The following COL21A1 variants were observed in gnomAD, a reference collection of about 807,000 sequenced individuals.
COL21A1 encodes the protein collagen type XXI alpha 1 chain, also known as collagen alpha-1(XXI) chain.
Under a neutral mutation model 137.9 loss-of-function variants are expected in COL21A1, and 149 were observed. The ratio of observed to expected loss-of-function variants is 1.08; its 90% CI spans 0.95 to 1.24. The LOEUF (loss-of-function observed/expected upper bound fraction) is 1.24. COL21A1 is among the 50% of genes most tolerant of loss of function. The pLI is 0.00. For missense variants in COL21A1, 1,167 were observed against 1,158.4 expected (o/e 1.01, Z -0.11); for synonymous variants, 456 against 391.5 (o/e 1.16, Z -1.95).
At chr6:56,228,154 A>G (rs1236361594) in intron 1 of COL21A1, among the ~76,000 whole-genome samples, 4 of 151,880 alleles carry the variant, frequency 2.6e-5, no homozygotes, top group Admixed American at 2.6e-4. Context: ...AGAGGAGTGG[A>G]CTTTGTCTTT....
intron 1 of COL21A1, among the ~76,000 whole-genome samples, chr6:56,320,028 A>G (rs1388899415): frequency 6.6e-6 from 1 of 152,122 alleles, no homozygotes; most frequent in Non-Finnish European, 1.5e-5. Flanking sequence ...CTGGGTGTCT[A>G]ACCACCTACT....
intron 1 of COL21A1, among the ~76,000 whole-genome samples, chr6:56,186,482 G>A (rs1778312917): frequency 6.6e-6 from 1 of 152,096 alleles, no homozygotes; most frequent in East Asian, 1.9e-4. Flanking sequence ...ATTCAAAAAT[G>A]TACAAGGATA....
intron 1 of COL21A1, among the ~76,000 whole-genome samples, chr6:56,267,713 T>C (rs1475945090): frequency 2.8e-5 from 4 of 143,596 alleles, no homozygotes; most frequent in African/African-American, 7.9e-5. Context: ...GCCAACATCA[T>C]GCCATTGCAC....
chr6:56,133,556 A>G, intron 12 of COL21A1, among the ~76,000 whole-genome samples: 1 of 152,242 alleles, frequency 6.6e-6, no homozygotes, highest in East Asian at 1.9e-4. Context: ...GAATTTGCAT[A>G]AGTAACAAGC....
intron 1 of COL21A1, among the ~76,000 whole-genome samples, chr6:56,327,979 G>A (rs1478883166): frequency 6.6e-6 from 1 of 152,036 alleles, no homozygotes; most frequent in Non-Finnish European, 1.5e-5. Flanking sequence ...CTGATTAGAA[G>A]TAGCTATTTC....
chr6:56,325,231 T>G (rs1764981088), intron 1 of COL21A1, among the ~76,000 whole-genome samples: 1 of 9,992 alleles, frequency 1.0e-4, no homozygotes, highest in South Asian at 0.011. Flanking sequence ...GAACCTAAGA[T>G]GAGGAAAAGA....
chr6:56,157,081 A>AAG (rs386407154), intron 9 of COL21A1, 132 bp from the exon 10 acceptor site: 1 of 631,446 alleles, frequency 1.6e-6, no homozygotes, highest in Admixed American at 3.1e-5. Context: ...GTAAAAAAAA[A>AAG]AAGCCATATT....
intron 1 of COL21A1, among the ~76,000 whole-genome samples, chr6:56,332,567 A>C (rs1303852067): frequency 6.7e-6 from 1 of 149,816 alleles, no homozygotes; most frequent in East Asian, 2.0e-4. Context: ...TTTTTAATAC[A>C]TGTCACCAAA....
At chr6:56,205,243 G>T (rs2152301249) in intron 1 of COL21A1, among the ~76,000 whole-genome samples, 1 of 152,254 alleles carries the variant, frequency 6.6e-6, no homozygotes, top group Non-Finnish European at 1.5e-5. Context: ...TTGAAAAAAG[G>T]TTAGACAAAT....
At chr6:56,130,211 A>AT (rs1561898497) in intron 12 of COL21A1, among the ~76,000 whole-genome samples, 491 of 32,078 alleles carry the variant, frequency 0.015, 7 homozygotes, top group African/African-American at 0.037. Flanking sequence ...ATATATATAT[A>AT]AAATTTCAAA....
At chr6:56,377,493 C>T (rs1362245184) in intron 1 of COL21A1, among the ~76,000 whole-genome samples, 1 of 152,104 alleles carries the variant, frequency 6.6e-6, no homozygotes, top group Non-Finnish European at 1.5e-5. Context: ...AAAACCAAAC[C>T]AAACTCAGCT....
chr6:56,162,312 G>A (rs1172024693), intron 9 of COL21A1, among the ~76,000 whole-genome samples: 3 of 152,138 alleles, frequency 2.0e-5, no homozygotes, highest in Non-Finnish European at 2.9e-5. Flanking sequence ...AAAAAGGCAC[G>A]CCAACTTGAA....
chr6:56,132,981 C>T (rs1424204149), intron 12 of COL21A1, among the ~76,000 whole-genome samples: 2 of 152,124 alleles, frequency 1.3e-5, no homozygotes, highest in African/African-American at 4.8e-5. Flanking sequence ...TGTAAATTGC[C>T]CAGTCTCAGC....
chr6:56,261,274 C>T (rs1284133910), intron 1 of COL21A1, among the ~76,000 whole-genome samples: 2 of 152,152 alleles, frequency 1.3e-5, no homozygotes, highest in Non-Finnish European at 2.9e-5. Context: ...TCACCCGAAT[C>T]ATGCTCCTGG....
intron 1 of COL21A1, among the ~76,000 whole-genome samples, chr6:56,358,629 T>G (rs1765893643): frequency 1.3e-5 from 2 of 152,214 alleles, no homozygotes; most frequent in South Asian, 4.1e-4. Flanking sequence ...TTTTTAAGCT[T>G]CTAGCAGTTT....
chr6:56,199,106 G>A (rs183530063), intron 1 of COL21A1, among the ~76,000 whole-genome samples: 1 of 151,680 alleles, frequency 6.6e-6, no homozygotes, highest in Non-Finnish European at 1.5e-5. Context: ...TGCAGAATTG[G>A]GTCTAACCTG....
At chr6:56,211,615 A>G (rs1185416375) in intron 1 of COL21A1, among the ~76,000 whole-genome samples, 1 of 152,130 alleles carries the variant, frequency 6.6e-6, no homozygotes, top group Non-Finnish European at 1.5e-5. Context: ...TCTGATTTGC[A>G]GTGTTTCTAG....
chr6:56,097,928 A>C (rs1450275311), intron 17 of COL21A1, among the ~76,000 whole-genome samples: 2 of 90,434 alleles, frequency 2.2e-5, no homozygotes, highest in African/African-American at 4.7e-5. Context: ...TAAATATATA[A>C]ATATATAAAA....
chr6:56,249,883 A>C (rs1782814420), upstream of COL21A1, among the ~76,000 whole-genome samples: 1 of 152,246 alleles, frequency 6.6e-6, no homozygotes, highest in African/African-American at 2.4e-5. Flanking sequence ...ATTATATATC[A>C]GTTTTAAAAC....
Sources: gnomAD v4.1 joint callset for allele counts (sites outside exome capture counted in the v4.1 genomes callset) on GRCh38, gnomAD v4.1.1 for gene constraint, MANE v1.5 for transcripts, NCBI Gene and HGNC (gene_info 2026-07-23, HGNC 2026-07-21) for gene names.